ITGA8: variants seen among roughly 807,000 people sequenced by gnomAD.
ITGA8 encodes integrin alpha-8.
Under a neutral mutation model 142.3 loss-of-function variants are expected in ITGA8, and 91 were observed. The ratio of observed to expected loss-of-function variants is 0.64; its 90% CI spans 0.54 to 0.76. ITGA8 has a LOEUF of 0.76. Ranked by LOEUF, ITGA8 falls within the 30% of genes least tolerant of loss-of-function variation. ITGA8 has a pLI of 0.00. For missense variants in ITGA8, 1,406 were observed against 1,327.7 expected, an observed-to-expected ratio of 1.06 and a Z score of -0.92; for synonymous variants, 505 against 485.2, an observed-to-expected ratio of 1.04 and a Z score of -0.54.
chr10:15,657,963 G>A (rs927789352), intron 10 of ITGA8, among the ~76,000 whole-genome samples: 6 of 152,064 alleles, frequency 3.9e-5, no homozygotes, highest in African/African-American at 1.2e-4. Context: ...ACACGTATTC[G>A]CATGCATCTC....
chr10:15,684,202 G>T, intron 3 of ITGA8, 75 bp from the exon 4 acceptor site: 1 of 1,469,994 alleles, frequency 6.8e-7, no homozygotes, highest in South Asian at 1.3e-5. Flanking sequence ...TGAATTATTG[G>T]TATAACAAAC....
chr10:15,633,282 A>G (rs1833714705), intron 13 of ITGA8, among the ~76,000 whole-genome samples: 2 of 152,096 alleles, frequency 1.3e-5, no homozygotes, highest in African/African-American at 2.4e-5. Flanking sequence ...TAACTTATAT[A>G]TAGAATTTCC....
chr10:15,680,216 CTTTTTTTTTTTTTTTT>C (rs71374638), intron 4 of ITGA8, among the ~76,000 whole-genome samples: 1 of 54,230 alleles, frequency 1.8e-5, no homozygotes, highest in Admixed American at 3.1e-4. Context: ...CCAGATGCTC[CTTTTTTTTTTTTTTTT>C]TTTTTTTTTT....
At chr10:15,622,300 T>C (rs1194140282) in intron 13 of ITGA8, among the ~76,000 whole-genome samples, 2 of 152,004 alleles carry the variant, frequency 1.3e-5, no homozygotes, top group Non-Finnish European at 2.9e-5. Flanking sequence ...CTCACTCTCA[T>C]CTCCTTGACA....
At chr10:15,626,848 C>G (rs527934579) in intron 13 of ITGA8, among the ~76,000 whole-genome samples, 2 of 152,250 alleles carry the variant, frequency 1.3e-5, no homozygotes, top group Non-Finnish European at 2.9e-5. Context: ...CCTGCTGACG[C>G]CTTGATCTTG....
At chr10:15,610,315 G>T (rs967119968) in intron 15 of ITGA8, among the ~76,000 whole-genome samples, 1 of 152,108 alleles carries the variant, frequency 6.6e-6, no homozygotes, top group Non-Finnish European at 1.5e-5. Flanking sequence ...TTATATATAA[G>T]CACACATACA....
At chr10:15,574,550 C>A (rs9333196) in intron 24 of ITGA8, among the ~76,000 whole-genome samples, 18,172 of 151,952 alleles carry the variant, frequency 0.12, 1,831 homozygotes, top group East Asian at 0.29. Context: ...GCCACCAAGC[C>A]CAGCTAATTT....
At chr10:15,687,715 T>C (rs986046918) in intron 3 of ITGA8, among the ~76,000 whole-genome samples, 3 of 152,236 alleles carry the variant, frequency 2.0e-5, no homozygotes, top group Non-Finnish European at 4.4e-5. Flanking sequence ...TTTGAAAATA[T>C]TTAACTGCTC....
chr10:15,708,715 A>G (rs766639805), intron 2 of ITGA8, among the ~76,000 whole-genome samples: 1 of 152,258 alleles, frequency 6.6e-6, no homozygotes, highest in Non-Finnish European at 1.5e-5. Flanking sequence ...ATAGTTAAAC[A>G]AATTGGCACA....
chr10:15,542,289 G>C (rs1833584799), intron 27 of ITGA8, among the ~76,000 whole-genome samples: 1 of 152,150 alleles, frequency 6.6e-6, no homozygotes, highest in African/African-American at 2.4e-5. Flanking sequence ...ATAGAGAAAT[G>C]CTCTTAATCT....
chr10:15,607,393 G>T (rs925128815), intron 17 of ITGA8, among the ~76,000 whole-genome samples: 6 of 152,104 alleles, frequency 3.9e-5, no homozygotes, highest in African/African-American at 1.2e-4. Flanking sequence ...ATGTATTTTG[G>T]GGAGGAGGTG....
At chr10:15,696,587 G>T (rs184766959) in intron 2 of ITGA8, among the ~76,000 whole-genome samples, 1 of 152,190 alleles carries the variant, frequency 6.6e-6, no homozygotes, top group African/African-American at 2.4e-5. Flanking sequence ...AATAACATTT[G>T]CTCTACTTCA....
At chr10:15,608,425 C>T (rs200161236) in intron 15 of ITGA8, 135 bp from the exon 16 acceptor site, 8 of 379,076 alleles carry the variant, frequency 2.1e-5, no homozygotes, top group African/African-American at 1.8e-4. Context: ...ACACACACAC[C>T]CACACACACA....
intron 27 of ITGA8, 82 bp from the exon 28 acceptor site, chr10:15,531,233 T>G (rs1588627192): frequency 1.4e-6 from 1 of 734,520 alleles, no homozygotes; most frequent in East Asian, 3.4e-5. Context: ...TTATTTTTGG[T>G]GTTTTGCATT....
intron 27 of ITGA8, among the ~76,000 whole-genome samples, chr10:15,548,194 G>A (rs1177900245): frequency 6.6e-6 from 1 of 151,472 alleles, no homozygotes; most frequent in Non-Finnish European, 1.5e-5. Context: ...TGGGTTCAAG[G>A]GATTCTCATG....
chr10:15,661,605 G>T (rs1398481918), intron 8 of ITGA8, among the ~76,000 whole-genome samples: 1 of 152,166 alleles, frequency 6.6e-6, no homozygotes, highest in Non-Finnish European at 1.5e-5. Flanking sequence ...GTCTGCGTGT[G>T]ATTTATAAAT....
chr10:15,594,117 G>A (rs1346727292), intron 21 of ITGA8, among the ~76,000 whole-genome samples: 1 of 152,084 alleles, frequency 6.6e-6, no homozygotes, highest in African/African-American at 2.4e-5. Flanking sequence ...TGGGGTTACA[G>A]GTGTGAGCCA....
intron 15 of ITGA8, among the ~76,000 whole-genome samples, chr10:15,613,169 A>AT (rs1833329761): frequency 6.0e-5 from 1 of 16,572 alleles, no homozygotes; most frequent in African/African-American, 1.1e-4. Flanking sequence ...TCAATAAATA[A>AT]AAAATAAATA....
At chr10:15,573,664 A>G (rs1429277298) in intron 24 of ITGA8, among the ~76,000 whole-genome samples, 1 of 152,102 alleles carries the variant, frequency 6.6e-6, no homozygotes, top group Non-Finnish European at 1.5e-5. Context: ...ATCTTAGAGG[A>G]TGTTATTCAT....
Sources: gnomAD v4.1 joint callset for allele counts (sites outside exome capture counted in the v4.1 genomes callset) on GRCh38, gnomAD v4.1.1 for gene constraint, MANE v1.5 for transcripts, NCBI Gene and HGNC (gene_info 2026-07-23, HGNC 2026-07-21) for gene names.